CHRNA7: variants seen among roughly 807,000 people sequenced by gnomAD.
The protein encoded by CHRNA7 is cholinergic receptor nicotinic alpha 7 subunit.
CHRNA7 carries 17 observed loss-of-function variants against 48.0 expected under a neutral mutation model. The ratio of observed to expected loss-of-function variants is 0.35; its 90% confidence interval spans 0.24 to 0.53. The LOEUF (loss-of-function observed/expected upper bound fraction) is 0.53. Ranked by LOEUF, CHRNA7 falls within the 20% of genes least tolerant of loss-of-function variation. The pLI, the probability that CHRNA7 is intolerant of heterozygous loss-of-function variation, is 0.92. For missense variants in CHRNA7, 155 were observed against 577.7 expected (o/e 0.27, Z 7.50); for synonymous variants, 75 against 242.3 (o/e 0.31, Z 6.41).
intron 2 of CHRNA7, among the ~76,000 whole-genome samples, chr15:32,049,211 C>T (rs559639006): frequency 1.4e-4 from 21 of 151,988 alleles, no homozygotes; most frequent in African/African-American, 4.6e-4. Flanking sequence ...TGTTAACTTT[C>T]TGTCTCGTTG....
chr15:32,052,774 T>G lies in CHRNA7; in HGVS notation c.195+21737T>G, dbSNP rs13379830. Among the ~76,000 whole-genome samples the G allele has an allele frequency of 4.6e-3, 697 of 152,182 alleles. 3 individuals carry two copies. Among genetic ancestry groups the G allele is most frequent in the African/African-American group, 0.016 (657 of 41,528 alleles). On this transcript the variant is annotated intron_variant, in intron 2 of 9. Transcript: ENST00000306901. ...TTAAATAAAAAAGTTAGATGAAAGA[T>G]ATAGTTAGATAGAAGGAATAAGTTC...
At chr15:32,139,278 G>T (rs1190202579) in intron 4 of CHRNA7, among the ~76,000 whole-genome samples, 1 of 152,146 alleles carries the variant, frequency 6.6e-6, no homozygotes, top group African/African-American at 2.4e-5. Context: ...CCTACTGAAG[G>T]TTGCTTCCAA....
Position 32,030,619 on chromosome 15 carries a change from TG to T in CHRNA7, c.27del (p.Trp9CysfsTer49). MRCSPGGVWLALAASLLHV... is the reference protein window; with the variant it reads MRCSPGGVXLALAASLLHV... ...CATGCGCTGCTCGCCGGGAGGCGTCTGGCTGGCGCTGGCCGCGTCGCTCCTG... is the reference window on the plus strand; with the variant it reads ...CATGCGCTGCTCGCCGGGAGGCGTCTGCTGGCGCTGGCCGCGTCGCTCCTG... On this transcript the variant is annotated frameshift_variant, in exon 1 of 10. Transcript: ENST00000306901. LOFTEE classifies it high-confidence loss of function. 6.4e-7 allele frequency: 1 copy of T among 1,565,860 alleles called. No homozygotes were observed. The highest frequency in any genetic ancestry group is 8.6e-7 in the Non-Finnish European group (1 of 1,162,134).
intron 4 of CHRNA7, among the ~76,000 whole-genome samples, chr15:32,130,823 T>A (rs1294189925): frequency 6.6e-6 from 1 of 152,122 alleles, no homozygotes; most frequent in Non-Finnish European, 1.5e-5. Context: ...AAGAACTTCC[T>A]TGAGCCATAC....
chr15:32,036,317 C>A (rs76549564), intron 2 of CHRNA7, among the ~76,000 whole-genome samples: 15 of 152,314 alleles, frequency 9.8e-5, no homozygotes, highest in African/African-American at 3.6e-4. Context: ...TAGCACAGTT[C>A]ATTTATCCAT....
At chr15:32,112,165 GTGT>G (rs1182060264) in intron 4 of CHRNA7, 4 of 603,034 alleles carry the variant, frequency 6.6e-6, no homozygotes, top group Non-Finnish European at 1.2e-5. Flanking sequence ...TCGGGGCCTA[GTGT>G]TGTTTCTGTG....
chr15:32,103,681 T>C (rs2050612567), intron 3 of CHRNA7, among the ~76,000 whole-genome samples: 1 of 152,148 alleles, frequency 6.6e-6, no homozygotes, highest in South Asian at 2.1e-4. Context: ...GACAGACTCA[T>C]CTCCTGGCCC....
intron 2 of CHRNA7, among the ~76,000 whole-genome samples, chr15:32,098,261 G>A (rs150092983): frequency 2.6e-5 from 4 of 152,098 alleles, no homozygotes; most frequent in South Asian, 2.1e-4. Flanking sequence ...CAGCAGGGTC[G>A]GGACGTGCTT....
intron 2 of CHRNA7, among the ~76,000 whole-genome samples, chr15:32,038,572 T>G (rs2049393384): frequency 6.6e-6 from 1 of 152,206 alleles, no homozygotes; most frequent in Non-Finnish European, 1.5e-5. Flanking sequence ...TTTCACTATG[T>G]TGCTCAGGCT....
intron 2 of CHRNA7, among the ~76,000 whole-genome samples, chr15:32,059,944 C>CAAAAAAAAAAAAAAAAAAAAAAAAA (rs34200550): frequency 1.5e-4 from 5 of 33,050 alleles, no homozygotes; most frequent in Admixed American, 6.4e-4. Flanking sequence ...AGTAGAAAAG[C>CAAAAAAAAAAAAAAAAAAAAAAAAA]AAAAAAAAAA....
intron 2 of CHRNA7, among the ~76,000 whole-genome samples, chr15:32,044,435 G>A (rs976931265): frequency 6.6e-6 from 1 of 151,950 alleles, no homozygotes; most frequent in Non-Finnish European, 1.5e-5. Context: ...GCACCACCAC[G>A]CCTGGCTAAT....
intron 2 of CHRNA7, among the ~76,000 whole-genome samples, chr15:32,053,586 T>TATA (rs1411543982): frequency 6.6e-6 from 1 of 152,216 alleles, no homozygotes; most frequent in Non-Finnish European, 1.5e-5. Flanking sequence ...CACACACCCC[T>TATA]GTTATCCTTA....
chr15:32,043,088 G>A (rs921999123), intron 2 of CHRNA7, among the ~76,000 whole-genome samples: 3 of 152,116 alleles, frequency 2.0e-5, no homozygotes, highest in Non-Finnish European at 2.9e-5. Flanking sequence ...CATGATGTAT[G>A]GTGCCTTAAG....
At chr15:32,118,802 T>C (rs904601508) in intron 4 of CHRNA7, among the ~76,000 whole-genome samples, 21 of 151,574 alleles carry the variant, frequency 1.4e-4, no homozygotes, top group African/African-American at 4.6e-4. Flanking sequence ...TTGTAGGTGA[T>C]CCCAGAAAAA....
Position 32,048,132 on chromosome 15 carries a change from C to CT in CHRNA7, c.195+17101dup, listed in dbSNP as rs1291868665. ...ATCAGGGATATTGGTCTAAAATTCT[C>CT]TTTTTTGGTTGTGTCTCTGCTCAGC... is the stretch of plus-strand genomic sequence containing the variant. On this transcript the variant is annotated intron_variant, in intron 2 of 9. Transcript: ENST00000306901. Among the ~76,000 whole-genome samples the CT allele has an allele frequency of 6.6e-5, 10 of 152,136 alleles. No individual in the cohort carries two copies. The East Asian group carries it at 7.7e-4, about 12-fold the overall frequency.
At chr15:32,133,393 G>A (rs2051189770) in intron 4 of CHRNA7, among the ~76,000 whole-genome samples, 2 of 152,208 alleles carry the variant, frequency 1.3e-5, no homozygotes, top group African/African-American at 4.8e-5. Context: ...GCAGGCAGGA[G>A]GGTGGGGCCC....
intron 4 of CHRNA7, among the ~76,000 whole-genome samples, chr15:32,143,545 G>C (rs2051425316): frequency 6.6e-6 from 1 of 152,036 alleles, no homozygotes; most frequent in South Asian, 2.1e-4. Context: ...TTATTTTGTG[G>C]GAGTCTAAGT....
chr15:32,069,971 C>T (rs1214959081), intron 2 of CHRNA7, among the ~76,000 whole-genome samples: 3 of 152,116 alleles, frequency 2.0e-5, no homozygotes, highest in African/African-American at 4.8e-5. Flanking sequence ...ATCTGATTTT[C>T]CCCCCGCCCA....
At position 32,154,792 on chromosome 15, in the gene CHRNA7, T is replaced by TCA. The variant is rs538062653; in HGVS notation, c.430+816_430+817dup. 1.4e-4 allele frequency among the ~76,000 whole-genome samples: 19 copies of TCA among 139,424 alleles called. No individual in the cohort carries two copies. The South Asian group carries it at 4.0e-3, about 29-fold the overall frequency. 91.5% of individuals were successfully genotyped at this position (139,424 alleles called of 152,430 possible). A position where few individuals can be genotyped will look rare whatever the true frequency, so the allele number is the denominator to read the frequency against. On this transcript the variant is annotated intron_variant, in intron 5 of 9. Coordinates refer to ENST00000306901, the MANE Select transcript of CHRNA7 (RefSeq NM_000746.6). Reference sequence around the variant, plus strand: ...CCTAACTACCACTCACACATACGACTCACACACACACCACTCACAACCACT... The same window carrying TCA: ...CCTAACTACCACTCACACATACGACTCACACACACACACCACTCACAACCACT...
Sources: gnomAD v4.1 joint callset for allele counts (sites outside exome capture counted in the v4.1 genomes callset) on GRCh38, gnomAD v4.1.1 for gene constraint, MANE v1.5 for transcripts, NCBI Gene and HGNC (gene_info 2026-07-23, HGNC 2026-07-21) for gene names.